ATP9A: variants seen among roughly 807,000 people sequenced by gnomAD.
ATP9A encodes the protein ATPase phospholipid transporting 9A, also known as probable phospholipid-transporting ATPase IIA.
In ATP9A, 52 loss-of-function variants were observed where a neutral mutation model predicts 144.1. That is an observed-to-expected ratio of 0.36 (90% CI 0.29 to 0.45). The LOEUF (loss-of-function observed/expected upper bound fraction) is 0.45. Among genes scored for constraint, ATP9A ranks in the 20% least tolerant of loss-of-function variants. The pLI is 1.00. For missense variants in ATP9A, 947 were observed against 1,392.7 expected, an observed-to-expected ratio of 0.68 and a Z score of 5.09; for synonymous variants, 582 against 557.4, an observed-to-expected ratio of 1.04 and a Z score of -0.62.
intron 9 of ATP9A, among the ~76,000 whole-genome samples, chr20:51,684,217 T>C (rs2122806512): frequency 6.6e-6 from 1 of 152,262 alleles, no homozygotes; most frequent in African/African-American, 2.4e-5. Context: ...TCTGACTAGA[T>C]AAAAACTGCA....
Position 51,674,178 on chromosome 20 carries a change from A to G in ATP9A, c.1012T>C (p.Leu338=). 6.2e-7 allele frequency: 1 copy of G among 1,613,976 alleles called. No homozygotes were observed. The highest frequency in any genetic ancestry group is 8.5e-7 in the Non-Finnish European group (1 of 1,179,990). ...WYLQIIRFLL[L]FSNIIPISLR... ...CTAATGGGGATGATGTTGGAAAACA[A>G]GAGGAGGAAGCGGATGATCTGCAGG... The change falls in exon 11 of 28, where the codon TTG becomes CTG. Residue 338 remains leucine (L), a synonymous_variant. Coordinates refer to ENST00000338821, the MANE Select transcript of ATP9A (RefSeq NM_006045.3).
intron 1 of ATP9A, among the ~76,000 whole-genome samples, chr20:51,741,034 TTTAA>T (rs1018068939): frequency 1.3e-4 from 20 of 148,336 alleles, no homozygotes; most frequent in African/African-American, 3.7e-4. Flanking sequence ...TAAATTTTAA[TTTAA>T]TTAATTAAAA....
At chr20:51,614,273 T>A (rs2077194875) in intron 22 of ATP9A, among the ~76,000 whole-genome samples, 1 of 152,188 alleles carries the variant, frequency 6.6e-6, no homozygotes, top group South Asian at 2.1e-4. Flanking sequence ...TGCAACCATA[T>A]AATGGAATTC....
chr20:51,630,748 T>G (rs1049845021), intron 15 of ATP9A, among the ~76,000 whole-genome samples: 1 of 152,166 alleles, frequency 6.6e-6, no homozygotes, highest in Non-Finnish European at 1.5e-5. Context: ...CATGCTGACT[T>G]CTGATTAGCC....
chr20:51,752,268 T>C (rs963615473), intron 1 of ATP9A, among the ~76,000 whole-genome samples: 1 of 152,134 alleles, frequency 6.6e-6, no homozygotes, highest in African/African-American at 2.4e-5. Flanking sequence ...GTACCTAGTA[T>C]TGGACGATGC....
chr20:51,708,925 A>G (rs1352733579), intron 4 of ATP9A, among the ~76,000 whole-genome samples: 1 of 152,136 alleles, frequency 6.6e-6, no homozygotes, highest in East Asian at 1.9e-4. Flanking sequence ...AGGACAACTA[A>G]ATATAACTGA....
At position 51,660,378 on chromosome 20, in the gene ATP9A, T is replaced by C. The variant is rs537572346; in HGVS notation, c.1294-3228A>G. The stretch of plus-strand genomic sequence containing the variant: ...GGGATAACACAGAGCCATGGGATTT[T>C]GTATTCCAGGTGAAACAATTCCCAA... On this transcript the variant is annotated intron_variant, in intron 13 of 27. Coordinates refer to ENST00000338821, the MANE Select transcript of ATP9A (RefSeq NM_006045.3). Among the ~76,000 whole-genome samples the C allele has an allele frequency of 3.3e-4, 50 of 152,344 alleles. 1 individual carries two copies. The South Asian group carries it at 9.7e-3, about 30-fold the overall frequency.
chr20:51,635,930 T>C, intron 15 of ATP9A, among the ~76,000 whole-genome samples: 1 of 151,142 alleles, frequency 6.6e-6, no homozygotes, highest in East Asian at 2.0e-4. Flanking sequence ...TCCAGGGAAA[T>C]ACATTTTCTG....
chr20:51,753,375 C>A (rs540198024), intron 1 of ATP9A, among the ~76,000 whole-genome samples: 40 of 152,054 alleles, frequency 2.6e-4, no homozygotes, highest in South Asian at 1.9e-3. Flanking sequence ...CACTTGAACT[C>A]GGAAGGCGGA....
intron 27 of ATP9A, among the ~76,000 whole-genome samples, chr20:51,604,186 TA>T (rs10713826): frequency 0.43 from 64,829 of 151,942 alleles, 14,249 homozygotes; most frequent in South Asian, 0.58. Flanking sequence ...CACACTCACT[TA>T]ATGTGTGTTT....
intron 9 of ATP9A, among the ~76,000 whole-genome samples, chr20:51,687,655 T>C (rs889756415): frequency 6.6e-6 from 1 of 152,002 alleles, no homozygotes; most frequent in Non-Finnish European, 1.5e-5. Context: ...TCCCAGCTGT[T>C]TGGGAGGCTG....
chr20:51,688,089 G>C (rs940052972), intron 9 of ATP9A, among the ~76,000 whole-genome samples: 13 of 152,178 alleles, frequency 8.5e-5, no homozygotes, highest in African/African-American at 1.9e-4. Context: ...ACCTCACTCA[G>C]CCTCCGTTCC....
chr20:51,762,211 A>C (rs1241647229), intron 1 of ATP9A, among the ~76,000 whole-genome samples: 1 of 152,122 alleles, frequency 6.6e-6, no homozygotes. Context: ...CCAAAAATAC[A>C]AAAATTAGGC....
chr20:51,734,348 T>C (rs752346187), intron 1 of ATP9A, among the ~76,000 whole-genome samples: 1 of 152,110 alleles, frequency 6.6e-6, no homozygotes, highest in Non-Finnish European at 1.5e-5. Context: ...ACCTCCTCAG[T>C]GCCCAACTTC....
intron 2 of ATP9A, among the ~76,000 whole-genome samples, chr20:51,727,927 T>C (rs1270099377): frequency 9.0e-4 from 20 of 22,136 alleles, no homozygotes; most frequent in African/African-American, 5.0e-3. Context: ...GGAGACTCAG[T>C]CTCAAAAAAA....
chr20:51,649,392 T>A (rs1239823050), intron 14 of ATP9A, among the ~76,000 whole-genome samples: 1 of 152,206 alleles, frequency 6.6e-6, no homozygotes, highest in Non-Finnish European at 1.5e-5. Context: ...TTAGCCAACT[T>A]ACACTTCATC....
chr20:51,603,486 C>T (rs1000500628), intron 27 of ATP9A, among the ~76,000 whole-genome samples: 1 of 152,098 alleles, frequency 6.6e-6, no homozygotes, highest in Non-Finnish European at 1.5e-5. Flanking sequence ...AATTAAAGCC[C>T]GTGTCAGCAC....
intron 17 of ATP9A, 98 bp from the exon 18 acceptor site, chr20:51,625,460 C>T: frequency 6.4e-6 from 9 of 1,398,982 alleles, no homozygotes; most frequent in Non-Finnish European, 8.6e-6. Flanking sequence ...CGATCCCCAC[C>T]ACACGGGGTG....
At chr20:51,688,524 G>A (rs779735757) in intron 9 of ATP9A, among the ~76,000 whole-genome samples, 6 of 152,024 alleles carry the variant, frequency 3.9e-5, no homozygotes, top group Non-Finnish European at 7.4e-5. Context: ...CCCGGGGGGC[G>A]GAGGTTACAG....
Sources: gnomAD v4.1 joint callset for allele counts (sites outside exome capture counted in the v4.1 genomes callset) on GRCh38, gnomAD v4.1.1 for gene constraint, MANE v1.5 for transcripts, NCBI Gene and HGNC (gene_info 2026-07-23, HGNC 2026-07-21) for gene names.